SPATA31H1: variants seen among roughly 807,000 people sequenced by gnomAD.
SPATA31H1 encodes SPATA31 subfamily H member 1.
chr2:27,563,103 A>G, the SPATA31H1 span, among the ~76,000 whole-genome samples: 1 of 151,838 alleles, frequency 6.6e-6, no homozygotes, highest in East Asian at 1.9e-4. Flanking sequence ...TCTTTTATTA[A>G]ATTATATTTT....
chr2:27,573,567 G>T, the SPATA31H1 span: 4 of 398,356 alleles, frequency 1.0e-5, no homozygotes, highest in Non-Finnish European at 8.9e-6. Context: ...TTTGAAATCT[G>T]GGCTACAGTT....
At chr2:27,578,090 C>A in the SPATA31H1 span, 2 of 1,613,956 alleles carry the variant, frequency 1.2e-6, no homozygotes, top group Non-Finnish European at 1.7e-6. Flanking sequence ...TCATAGATGT[C>A]CCAAAAGTTG....
the SPATA31H1 span, chr2:27,575,152 A>C: frequency 2.5e-6 from 1 of 398,554 alleles, no homozygotes. This position sits in a 1 kb window ranked among gnomAD's most constrained non-coding sequence, Gnocchi z 4.1. Context: ...GGGTTGATAA[A>C]GCTTCAGACG....
the SPATA31H1 span, among the ~76,000 whole-genome samples, chr2:27,560,746 C>T: frequency 6.6e-6 from 1 of 152,180 alleles, no homozygotes; most frequent in Non-Finnish European, 1.5e-5. Flanking sequence ...GTGTGAGCCA[C>T]CGCGCCCAGC....
At chr2:27,540,311 G>A in the SPATA31H1 span, among the ~76,000 whole-genome samples, 1 of 121,588 alleles carries the variant, frequency 8.2e-6, no homozygotes, top group South Asian at 3.2e-4. Flanking sequence ...GGCTGGCCGG[G>A]CAGAGGGGCT....
the SPATA31H1 span, among the ~76,000 whole-genome samples, chr2:27,540,009 C>T: frequency 1.8e-3 from 227 of 124,466 alleles, no homozygotes; most frequent in African/African-American, 6.8e-3. Flanking sequence ...GCTGGCCGGG[C>T]GGGGGGCTGA....
At chr2:27,550,710 C>T in the SPATA31H1 span, among the ~76,000 whole-genome samples, 13 of 151,638 alleles carry the variant, frequency 8.6e-5, no homozygotes, top group East Asian at 7.7e-4. Context: ...TGAGTCACTG[C>T]GCCTGGCTGG....
At chr2:27,578,853 G>A in the SPATA31H1 span, 1 of 1,614,134 alleles carries the variant, frequency 6.2e-7, no homozygotes, top group Non-Finnish European at 8.5e-7. Flanking sequence ...GATACAGGAA[G>A]TATCCAGAGC....
At chr2:27,579,759 T>C in the SPATA31H1 span, 1 of 1,613,962 alleles carries the variant, frequency 6.2e-7, no homozygotes, top group Non-Finnish European at 8.5e-7. Flanking sequence ...GATTTCTGAG[T>C]CCCAACACTC....
chr2:27,580,879 G>A, the SPATA31H1 span: 12 of 1,614,026 alleles, frequency 7.4e-6, no homozygotes, highest in African/African-American at 1.2e-4. Flanking sequence ...GTCCAGTGCA[G>A]ATCAGCTCAA....
At chr2:27,577,834 T>G in the SPATA31H1 span, 1 of 1,614,108 alleles carries the variant, frequency 6.2e-7, no homozygotes, top group Non-Finnish European at 8.5e-7. This position sits in a 1 kb window ranked among gnomAD's most constrained non-coding sequence, Gnocchi z 4.5. Flanking sequence ...GAGGTGCCCC[T>G]GAAGCAAACA....
At chr2:27,538,726 G>T in the SPATA31H1 span, among the ~76,000 whole-genome samples, 3 of 152,026 alleles carry the variant, frequency 2.0e-5, no homozygotes, top group Non-Finnish European at 2.9e-5. Flanking sequence ...AGCTACCGGG[G>T]AGGCTGAAGC....
At chr2:27,568,170 T>A in the SPATA31H1 span, 1 of 398,944 alleles carries the variant, frequency 2.5e-6, no homozygotes, top group Non-Finnish European at 4.4e-6. Context: ...ATGTATAGAA[T>A]CAGTGGGAAT....
At chr2:27,549,072 CAAAAAAAA>C in the SPATA31H1 span, among the ~76,000 whole-genome samples, 3 of 53,306 alleles carry the variant, frequency 5.6e-5, no homozygotes, top group Non-Finnish European at 1.3e-4. Flanking sequence ...GACTCCGTCT[CAAAAAAAA>C]AAAAAAAAAA....
chr2:27,578,787 C>T, the SPATA31H1 span: 21 of 1,614,028 alleles, frequency 1.3e-5, no homozygotes, highest in Non-Finnish European at 1.7e-5. Flanking sequence ...TTCAACCACA[C>T]TCATTTCAAG....
At chr2:27,579,118 G>A in the SPATA31H1 span, 190 of 1,614,142 alleles carry the variant, frequency 1.2e-4, 2 homozygotes, top group East Asian at 9.8e-4. Flanking sequence ...TGGAGATCAC[G>A]ATCTAGGACA....
chr2:27,542,312 G>A, the SPATA31H1 span, among the ~76,000 whole-genome samples: 8 of 151,704 alleles, frequency 5.3e-5, no homozygotes, highest in Non-Finnish European at 8.8e-5. Flanking sequence ...CAGGAGAATC[G>A]CTTGAACCTG....
the SPATA31H1 span, among the ~76,000 whole-genome samples, chr2:27,541,204 C>G: frequency 6.6e-6 from 1 of 151,724 alleles, no homozygotes; most frequent in Non-Finnish European, 1.5e-5. Context: ...CCGGCCAACA[C>G]AGCAAAACCC....
the SPATA31H1 span, among the ~76,000 whole-genome samples, chr2:27,543,804 C>G: frequency 1.3e-5 from 2 of 151,936 alleles, no homozygotes; most frequent in Non-Finnish European, 2.9e-5. Context: ...TCCGGGACCC[C>G]CTACCCAAGG....
Sources: gnomAD v4.1 joint callset for allele counts (sites outside exome capture counted in the v4.1 genomes callset) on GRCh38, gnomAD v4.1.1 for gene constraint, Gnocchi (gnomAD v3.1) non-coding constraint, MANE v1.5 for transcripts, NCBI Gene and HGNC (gene_info 2026-07-23, HGNC 2026-07-21) for gene names.